OSBPL3: variants seen among roughly 807,000 people sequenced by gnomAD.
OSBPL3 encodes the protein oxysterol-binding protein-related protein 3.
A neutral mutation model predicts 120.1 loss-of-function variants in OSBPL3; 65 were observed. The observed-to-expected ratio is 0.54, with a 90% confidence interval of 0.44 to 0.67. The LOEUF is 0.67. Among genes scored for constraint, OSBPL3 ranks in the 30% least tolerant of loss-of-function variants. The pLI, the probability that OSBPL3 is intolerant of heterozygous loss-of-function variation, is 0.00. For synonymous variants in OSBPL3, 416 were observed against 402.6 expected, an observed-to-expected ratio of 1.03 and a Z score of -0.40; for missense variants, 1,004 against 1,082.1, an observed-to-expected ratio of 0.93 and a Z score of 1.01.
chr7:24,826,641 C>T (rs766759799), intron 16 of OSBPL3, among the ~76,000 whole-genome samples: 51 of 152,096 alleles, frequency 3.4e-4, no homozygotes, highest in Admixed American at 5.9e-4. Flanking sequence ...GTTTTCTCGC[C>T]TGTAACTGAT....
chr7:24,843,709 T>C (rs372470087), intron 12 of OSBPL3, among the ~76,000 whole-genome samples: 4 of 152,210 alleles, frequency 2.6e-5, no homozygotes, highest in Admixed American at 6.5e-5. Context: ...TTAATACCCA[T>C]GTAGCCTTCT....
In OSBPL3 at chr7:24,932,207, G is replaced by T. The variant is rs1410576388; in HGVS notation, c.-149-39586C>A. Reference sequence around the variant, plus strand: ...CCCACTTTAAAGCTTCGGCAACTGAGGCTTAACAAGGTCATATTTGTCCAC... The same window carrying T: ...CCCACTTTAAAGCTTCGGCAACTGATGCTTAACAAGGTCATATTTGTCCAC... On this transcript the variant is annotated intron_variant, in intron 1 of 22. Transcript: ENST00000313367. The surrounding 1 kb of genome is among the most constrained non-coding windows in gnomAD (Gnocchi z 5.6). 6.6e-6 allele frequency among the ~76,000 whole-genome samples: 1 copy of T among 152,168 alleles called. No homozygotes were observed. The highest frequency in any genetic ancestry group is 1.9e-4 in the East Asian group (1 of 5,200).
At chr7:24,942,590 T>C (rs1813231842) in intron 1 of OSBPL3, among the ~76,000 whole-genome samples, 1 of 152,234 alleles carries the variant, frequency 6.6e-6, no homozygotes, top group Admixed American at 6.5e-5. Context: ...GTATGAAAGC[T>C]TCTGTGTTTC....
At chr7:24,811,459 G>T (rs1341106675) in intron 19 of OSBPL3, among the ~76,000 whole-genome samples, 1 of 152,132 alleles carries the variant, frequency 6.6e-6, no homozygotes, top group African/African-American at 2.4e-5. Flanking sequence ...CTATTCTACA[G>T]ATTGTTTCTT....
At chr7:24,914,311 G>A (rs1225067821) in intron 1 of OSBPL3, among the ~76,000 whole-genome samples, 1 of 151,858 alleles carries the variant, frequency 6.6e-6, no homozygotes, top group East Asian at 2.0e-4. Context: ...CCAGCCAGTA[G>A]CATCTACTAG....
At position 24,915,787 on chromosome 7, in the gene OSBPL3, G is replaced by C. The variant is rs141788770; in HGVS notation, c.-149-23166C>G. ...TGGGGTTTCACCATGATGTTGGCCA[G>C]ACTGGTCTCGAACTTCTGACCTAGT... On this transcript the variant is annotated intron_variant, in intron 1 of 22. Coordinates refer to ENST00000313367, the MANE Select transcript of OSBPL3 (RefSeq NM_015550.4). Among the ~76,000 whole-genome samples the C allele has an allele frequency of 3.3e-3, 495 of 152,220 alleles. 1 individual carries two copies. Among genetic ancestry groups the C allele is most frequent in the African/African-American group, 0.011 (467 of 41,540 alleles).
At position 24,930,820 on chromosome 7, in the gene OSBPL3, T is replaced by C. The variant is rs1461607457; in HGVS notation, c.-149-38199A>G. 6.6e-6 allele frequency among the ~76,000 whole-genome samples: 1 copy of C among 152,254 alleles called. No homozygotes were observed. Among genetic ancestry groups the C allele is most frequent in the African/African-American group, 2.4e-5 (1 of 41,472 alleles). On this transcript the variant is annotated intron_variant, in intron 1 of 22. Coordinates refer to ENST00000313367, the MANE Select transcript of OSBPL3 (RefSeq NM_015550.4). The surrounding 1 kb of genome is among the most constrained non-coding windows in gnomAD (Gnocchi z 4.4). Reference sequence around the variant, plus strand: ...GGTGAAGGATTTCTGATTAAATGAATTCATCAATGAGATTTTGTCACTGAA... The same window carrying C: ...GGTGAAGGATTTCTGATTAAATGAACTCATCAATGAGATTTTGTCACTGAA...
At position 24,861,675 on chromosome 7, in the gene OSBPL3, C is replaced by T. The variant is rs1365502001; in HGVS notation, c.965G>A (p.Gly322Asp). 2 of 1,609,784 alleles carry T rather than the reference C, an allele frequency of 1.2e-6. No individual in the cohort carries two copies. Among genetic ancestry groups the T allele is most frequent in the Admixed American group, 1.7e-5 (1 of 59,938 alleles). ...DFGEEKNYSDGSETSSEFSKM... is the reference protein window; with the variant it reads ...DFGEEKNYSDDSETSSEFSKM... ...AGAAAACTCTGATGAGGTTTCAGAG[C>T]CATCAGAATAATTTTTCTCTTCTCC... The change falls in exon 10 of 23, where the codon GGC becomes GAC. Residue 322 changes from glycine to aspartate, a missense_variant. This residue lies in a region of OSBPL3 where 272 missense variants were observed against 248.8 expected (regional missense o/e 1.09). Coordinates refer to ENST00000313367, the MANE Select transcript of OSBPL3 (RefSeq NM_015550.4).
At chr7:24,845,413 A>AAAAAAAC (rs1798307851) in intron 12 of OSBPL3, among the ~76,000 whole-genome samples, 1 of 122,752 alleles carries the variant, frequency 8.1e-6, no homozygotes, top group Non-Finnish European at 1.6e-5. Context: ...AAAAAAAAAA[A>AAAAAAAC]AGAAAACCCA....
At chr7:24,924,309 A>C (rs1810768832) in intron 1 of OSBPL3, among the ~76,000 whole-genome samples, 1 of 152,234 alleles carries the variant, frequency 6.6e-6, no homozygotes, top group African/African-American at 2.4e-5. Flanking sequence ...TTTGGGTGGC[A>C]ACGCTAAGAG....
rs1313589903 is a variant in OSBPL3 at position 24,946,862 on chromosome 7, T to A, written c.-150+33024A>T. Among the ~76,000 whole-genome samples the A allele has an allele frequency of 6.6e-6, 1 of 152,232 alleles. No individual in the cohort carries two copies. The highest frequency in any genetic ancestry group is 6.5e-5 in the Admixed American group (1 of 15,282). ...GAGAGAGAAATTGACTCCATCTATATCATCTGCTTTGTGAGGATAAGAACT... is the reference window on the plus strand; with the variant it reads ...GAGAGAGAAATTGACTCCATCTATAACATCTGCTTTGTGAGGATAAGAACT... On this transcript the variant is annotated intron_variant, in intron 1 of 22. Coordinates refer to ENST00000313367, the MANE Select transcript of OSBPL3 (RefSeq NM_015550.4). This position sits in a 1 kb window ranked among gnomAD's most constrained non-coding sequence, Gnocchi z 4.3.
intron 1 of OSBPL3, among the ~76,000 whole-genome samples, chr7:24,977,281 T>C (rs1817684286): frequency 6.6e-6 from 1 of 152,142 alleles, no homozygotes; most frequent in Admixed American, 6.5e-5. Flanking sequence ...CAAAAATCAA[T>C]GGCAGTAAGA....
chr7:24,969,245 G>T (rs936344643), intron 1 of OSBPL3, among the ~76,000 whole-genome samples: 1 of 152,212 alleles, frequency 6.6e-6, no homozygotes, highest in Non-Finnish European at 1.5e-5. Context: ...TTTTATGAGT[G>T]AAGTTAAAGT....
rs919841954 is a variant in OSBPL3, at chr7:24,899,207, C to T, written c.-149-6586G>A. Among the ~76,000 whole-genome samples, 4 of 152,162 alleles carry T rather than the reference C, an allele frequency of 2.6e-5. No homozygotes were observed. Among genetic ancestry groups the T allele is most frequent in the African/African-American group, 9.7e-5 (4 of 41,446 alleles). Reference sequence around the variant, plus strand: ...TTTGTGCTTCTCTAACAGTGATGCCCAGATTTAAAGACAAGCTCTAGGTGT... The same window carrying T: ...TTTGTGCTTCTCTAACAGTGATGCCTAGATTTAAAGACAAGCTCTAGGTGT... On this transcript the variant is annotated intron_variant, in intron 1 of 22. Transcript: ENST00000313367. This position sits in a 1 kb window ranked among gnomAD's most constrained non-coding sequence, Gnocchi z 4.0.
chr7:24,912,893 A>G lies in OSBPL3; in HGVS notation c.-149-20272T>C, dbSNP rs1371040243. On this transcript the variant is annotated intron_variant, in intron 1 of 22. Coordinates refer to ENST00000313367, the MANE Select transcript of OSBPL3 (RefSeq NM_015550.4). The surrounding 1 kb of genome is among the most constrained non-coding windows in gnomAD (Gnocchi z 4.5). ...CTTCTGAGGCTGCATTAGAAATGGC[A>G]ATGTAACTTCCACTTGTCCTGTTGT... Among the ~76,000 whole-genome samples the G allele has an allele frequency of 6.6e-6, 1 of 152,198 alleles. No homozygotes were observed. The highest frequency in any genetic ancestry group is 1.5e-5 in the Non-Finnish European group (1 of 68,032).
At chr7:24,848,818 G>C (rs1330405804) in intron 12 of OSBPL3, among the ~76,000 whole-genome samples, 1 of 151,636 alleles carries the variant, frequency 6.6e-6, no homozygotes, top group Non-Finnish European at 1.5e-5. Context: ...GAGCGAAACA[G>C]AAATATAAAA....
rs866228161 is a variant in OSBPL3, at chr7:24,898,946, G to A, written c.-149-6325C>T. ...TGTCATCATTTAGAGCTGAAATAAT[G>A]ACTCACTATAATTTCATGCGCTGCT... On this transcript the variant is annotated intron_variant, in intron 1 of 22. Transcript: ENST00000313367. This position sits in a 1 kb window ranked among gnomAD's most constrained non-coding sequence, Gnocchi z 4.3. Among the ~76,000 whole-genome samples, 1 of 152,096 alleles carries A rather than the reference G, an allele frequency of 6.6e-6. No homozygotes were observed. The highest frequency in any genetic ancestry group is 1.5e-5 in the Non-Finnish European group (1 of 68,018).
Position 24,933,572 on chromosome 7 carries a change from C to T in OSBPL3, c.-149-40951G>A, listed in dbSNP as rs1312024639. On this transcript the variant is annotated intron_variant, in intron 1 of 22. Transcript: ENST00000313367. This position sits in a 1 kb window ranked among gnomAD's most constrained non-coding sequence, Gnocchi z 5.1. ...AAGATTCACCCTACCATGCAAAACA[C>T]TTAAATCATTAATATTTCCGATTAT... Among the ~76,000 whole-genome samples, 1 of 152,172 alleles carries T rather than the reference C, an allele frequency of 6.6e-6. No individual in the cohort carries two copies. Among genetic ancestry groups the T allele is most frequent in the Non-Finnish European group, 1.5e-5 (1 of 68,026 alleles).
At position 24,870,804 on chromosome 7, in the gene OSBPL3, G is replaced by A. The variant is rs754672127; in HGVS notation, c.309C>T (p.Leu103=). ...EKLHGCIDVG[L]SVMSVKKSSK... is the part of the protein sequence containing the mutation. ...ATGACTTCTTTACAGACATCACTGA[G>A]AGCCCGACATCAATGCAGCCATGCA... The change falls in exon 5 of 23, where the codon CTC becomes CTT. Residue 103 remains leucine (L), a synonymous_variant. Coordinates refer to ENST00000313367, the MANE Select transcript of OSBPL3 (RefSeq NM_015550.4). The A allele has an allele frequency of 7.4e-6, 12 of 1,613,792 alleles. No homozygotes were observed. Among genetic ancestry groups the A allele is most frequent in the African/African-American group, 4.0e-5 (3 of 74,912 alleles).
Sources: allele counts gnomAD v4.1 joint callset (sites outside exome capture counted in the v4.1 genomes callset), GRCh38; gene constraint gnomAD v4.1.1; regional missense constraint gnomAD v4.1.1; non-coding constraint Gnocchi (gnomAD v3.1); transcripts MANE v1.5; gene names NCBI Gene and HGNC (gene_info 2026-07-23, HGNC 2026-07-21).